KCNB2: variants seen among roughly 807,000 people sequenced by gnomAD.
KCNB2 encodes the protein delayed rectifier potassium channel protein.
Under a neutral mutation model 61.5 loss-of-function variants are expected in KCNB2, and 15 were observed. The ratio of observed to expected loss-of-function variants is 0.24; its 90% CI spans 0.16 to 0.38. The LOEUF is 0.38. KCNB2 is among the 10% of genes least tolerant of loss of function. KCNB2 has a pLI of 1.00. For missense variants in KCNB2, 828 were observed against 1,125.2 expected, an observed-to-expected ratio of 0.74 and a Z score of 3.78; for synonymous variants, 457 against 446.0, an observed-to-expected ratio of 1.02 and a Z score of -0.31.
intron 2 of KCNB2, among the ~76,000 whole-genome samples, chr8:72,605,299 G>A (rs1468036054): frequency 6.6e-6 from 1 of 152,192 alleles, no homozygotes; most frequent in South Asian, 2.1e-4. Context: ...CTCCTTGGCA[G>A]CTGGTTATGT....
chr8:72,806,355 G>GAAAAAAAAA (rs113106261), intron 2 of KCNB2, among the ~76,000 whole-genome samples: 2 of 97,414 alleles, frequency 2.1e-5, no homozygotes, highest in African/African-American at 3.9e-5. Flanking sequence ...GAGACTCTAA[G>GAAAAAAAAA]AAAAAAAAAA....
intron 2 of KCNB2, among the ~76,000 whole-genome samples, chr8:72,801,035 G>A (rs1186427245): frequency 6.6e-6 from 1 of 152,144 alleles, no homozygotes; most frequent in Non-Finnish European, 1.5e-5. Context: ...GGCTCAAAAT[G>A]TGAGCAAGAA....
At chr8:72,784,517 G>T (rs551033903) in intron 2 of KCNB2, among the ~76,000 whole-genome samples, 1 of 152,268 alleles carries the variant, frequency 6.6e-6, no homozygotes, top group South Asian at 2.1e-4. Context: ...CCACATGGCT[G>T]GGGAGGCCGC....
chr8:72,672,161 G>A (rs1187464982), intron 2 of KCNB2, among the ~76,000 whole-genome samples: 1 of 152,052 alleles, frequency 6.6e-6, no homozygotes, highest in African/African-American at 2.4e-5. Context: ...ATCTAAAGGT[G>A]GCTAGATCCA....
At chr8:72,611,401 T>C (rs1296410023) in intron 2 of KCNB2, among the ~76,000 whole-genome samples, 1 of 152,210 alleles carries the variant, frequency 6.6e-6, no homozygotes, top group Non-Finnish European at 1.5e-5. Context: ...ACTCACTGCT[T>C]TCAAGCTTGC....
At chr8:72,779,964 T>C (rs1808727180) in intron 2 of KCNB2, among the ~76,000 whole-genome samples, 1 of 152,170 alleles carries the variant, frequency 6.6e-6, no homozygotes, top group African/African-American at 2.4e-5. Flanking sequence ...CCATGGACAG[T>C]GCTTGGGTGA....
At chr8:72,751,431 A>T (rs1390109750) in intron 2 of KCNB2, 1 of 152,218 alleles carries the variant, frequency 6.6e-6, no homozygotes, top group Non-Finnish European at 1.5e-5. Context: ...GCTAAAAGTG[A>T]TAGAGCTGAA....
At chr8:72,847,777 A>G (rs7010008) in intron 2 of KCNB2, among the ~76,000 whole-genome samples, 129,214 of 152,052 alleles carry the variant, frequency 0.85, 55,857 homozygotes, top group Middle Eastern at 0.96. Context: ...AAATATATTC[A>G]CCATAATATC....
intron 2 of KCNB2, among the ~76,000 whole-genome samples, chr8:72,779,152 G>A (rs116654682): frequency 0.018 from 2,729 of 152,234 alleles, 74 homozygotes; most frequent in African/African-American, 0.061. Flanking sequence ...AGTAGATGCC[G>A]ATCAAGGCTT....
intron 2 of KCNB2, among the ~76,000 whole-genome samples, chr8:72,572,239 C>T (rs1806720379): frequency 6.6e-6 from 1 of 152,186 alleles, no homozygotes; most frequent in Admixed American, 6.5e-5. Context: ...CTGAGGGAAG[C>T]TTCACTCTAA....
intron 2 of KCNB2, among the ~76,000 whole-genome samples, chr8:72,670,195 G>C (rs1806540491): frequency 6.6e-6 from 1 of 152,174 alleles, no homozygotes; most frequent in African/African-American, 2.4e-5. Flanking sequence ...CCACCCACGT[G>C]AACAATTCAA....
intron 1 of KCNB2, among the ~76,000 whole-genome samples, chr8:72,541,829 G>C (rs1806192105): frequency 6.6e-6 from 1 of 151,938 alleles, no homozygotes; most frequent in African/African-American, 2.4e-5. Flanking sequence ...TTCATTTTCA[G>C]GTTCTTTAAA....
intron 2 of KCNB2, among the ~76,000 whole-genome samples, chr8:72,793,497 G>T (rs1234938402): frequency 6.6e-6 from 1 of 152,166 alleles, no homozygotes; most frequent in South Asian, 2.1e-4. Flanking sequence ...GCAAGAATCA[G>T]AGGAGACATG....
chr8:72,713,722 GA>G lies in KCNB2; in HGVS notation c.579+145414del, dbSNP rs942126645. Among the ~76,000 whole-genome samples the G allele has an allele frequency of 3.3e-5, 5 of 152,274 alleles. 1 individual carries two copies. Among genetic ancestry groups the G allele is most frequent in the Admixed American group, 3.3e-4 (5 of 15,298 alleles). ...GCAAAGATGGGGAAAAAACAGAGCA[GA>G]AAAACCAGAAACTCTAAAAATCAGA... On this transcript the variant is annotated intron_variant, in intron 2 of 2. Transcript: ENST00000523207.
At chr8:72,560,075 T>C (rs1471149498) in intron 1 of KCNB2, among the ~76,000 whole-genome samples, 1 of 152,212 alleles carries the variant, frequency 6.6e-6, no homozygotes, top group Non-Finnish European at 1.5e-5. Context: ...GAGCTTTTAA[T>C]ACAGGCACAT....
chr8:72,937,368 A>C lies in KCNB2; in HGVS notation c.2013A>C (p.Pro671=), dbSNP rs748409049. Reference sequence around the variant, plus strand: ...GGGATGGCACGCTGGAGTATGCCCCAGTTGACATAACTGTGAACCTCGATG... The same window carrying C: ...GGGATGGCACGCTGGAGTATGCCCCCGTTGACATAACTGTGAACCTCGATG... ...AARDGTLEYA[P]VDITVNLDAS... The change falls in exon 3 of 3, where the codon CCA becomes CCC. Residue 671 remains proline, a synonymous_variant. Coordinates refer to ENST00000523207, the MANE Select transcript of KCNB2 (RefSeq NM_004770.3). 6.2e-7 allele frequency: 1 copy of C among 1,614,062 alleles called. No individual in the cohort carries two copies. Among genetic ancestry groups the C allele is most frequent in the South Asian group, 1.1e-5 (1 of 91,070 alleles).
intron 2 of KCNB2, among the ~76,000 whole-genome samples, chr8:72,663,996 A>T (rs975992179): frequency 6.6e-6 from 1 of 152,172 alleles, no homozygotes; most frequent in African/African-American, 2.4e-5. Flanking sequence ...CTTAAATGAA[A>T]TTCTCTTTGA....
chr8:72,776,610 C>T (rs1006313493), intron 2 of KCNB2, among the ~76,000 whole-genome samples: 5 of 152,180 alleles, frequency 3.3e-5, no homozygotes, highest in African/African-American at 1.2e-4. Flanking sequence ...TTGCTGCTAA[C>T]AAGTCTCCTT....
At chr8:72,631,855 G>A (rs1563544004) in intron 2 of KCNB2, among the ~76,000 whole-genome samples, 2 of 152,084 alleles carry the variant, frequency 1.3e-5, no homozygotes, top group African/African-American at 4.8e-5. Context: ...TTCAAATGCA[G>A]CATTAATTTT....
Sources: allele counts gnomAD v4.1 joint callset (sites outside exome capture counted in the v4.1 genomes callset), GRCh38; gene constraint gnomAD v4.1.1; transcripts MANE v1.5; gene names NCBI Gene and HGNC (gene_info 2026-07-23, HGNC 2026-07-21).